KIAA1217: variants seen among roughly 807,000 people sequenced by gnomAD.
The protein encoded by KIAA1217 is sickle tail protein homolog.
A neutral mutation model predicts 163.9 loss-of-function variants in KIAA1217; 88 were observed. The ratio of observed to expected loss-of-function variants is 0.54; its 90% CI spans 0.45 to 0.64. The LOEUF is 0.64. Ranked by LOEUF, KIAA1217 falls within the 30% of genes least tolerant of loss-of-function variation. KIAA1217 has a pLI of 0.00. For missense variants in KIAA1217, 2,372 were observed against 2,475.0 expected (o/e 0.96, Z 0.88); for synonymous variants, 903 against 923.1 (o/e 0.98, Z 0.39).
intron 8 of KIAA1217, among the ~76,000 whole-genome samples, chr10:24,497,359 G>T (rs924805349): frequency 6.6e-6 from 1 of 152,156 alleles, no homozygotes; most frequent in Non-Finnish European, 1.5e-5. Context: ...TAAGGAAGAT[G>T]TCATTACCCA....
chr10:24,401,474 G>A (rs1156387691), intron 3 of KIAA1217, among the ~76,000 whole-genome samples: 1 of 151,992 alleles, frequency 6.6e-6, no homozygotes, highest in Non-Finnish European at 1.5e-5. Context: ...ATATGAACAG[G>A]CTGAAGAAGG....
chr10:24,287,341 G>A (rs1272364052), intron 2 of KIAA1217, among the ~76,000 whole-genome samples: 1 of 152,182 alleles, frequency 6.6e-6, no homozygotes, highest in African/African-American at 2.4e-5. Context: ...GTGAGCCACC[G>A]TGCTTGGCCA....
intron 2 of KIAA1217, among the ~76,000 whole-genome samples, chr10:24,119,821 T>C (rs1242897740): frequency 6.6e-6 from 1 of 152,216 alleles, no homozygotes; most frequent in Non-Finnish European, 1.5e-5. Flanking sequence ...TTCAATGTGC[T>C]GTCTGGCCAA....
intron 2 of KIAA1217, among the ~76,000 whole-genome samples, chr10:24,161,913 C>G (rs1319257361): frequency 1.3e-5 from 2 of 152,170 alleles, no homozygotes; most frequent in Admixed American, 1.3e-4. Context: ...ATGATACGAG[C>G]TAGATAGAAT....
At chr10:24,362,253 G>A (rs2050129524) in intron 2 of KIAA1217, among the ~76,000 whole-genome samples, 1 of 152,116 alleles carries the variant, frequency 6.6e-6, no homozygotes, top group South Asian at 2.1e-4. Flanking sequence ...GGAAAGTGGG[G>A]CTTAAGGAAA....
At chr10:24,404,698 G>A (rs1424535315) in intron 3 of KIAA1217, among the ~76,000 whole-genome samples, 1 of 151,306 alleles carries the variant, frequency 6.6e-6, no homozygotes, top group Non-Finnish European at 1.5e-5. Context: ...AATATTACTA[G>A]CAGCTTTGTT....
chr10:23,728,321 C>A (rs1328236568), intron 1 of KIAA1217, among the ~76,000 whole-genome samples: 1 of 152,166 alleles, frequency 6.6e-6, no homozygotes. Context: ...TCCTCTCCAG[C>A]ATCTGTTGTT....
chr10:24,050,241 C>T (rs1217383208), intron 2 of KIAA1217, among the ~76,000 whole-genome samples: 1 of 152,018 alleles, frequency 6.6e-6, no homozygotes, highest in Non-Finnish European at 1.5e-5. Context: ...AAAATTTTCT[C>T]CTGTTCTGTA....
chr10:24,355,713 T>C (rs983646926), intron 2 of KIAA1217, among the ~76,000 whole-genome samples: 3 of 136,526 alleles, frequency 2.2e-5, no homozygotes, highest in Non-Finnish European at 4.6e-5. Context: ...GAGATGAGCA[T>C]AGCAAGTCCT....
intron 2 of KIAA1217, among the ~76,000 whole-genome samples, chr10:24,015,794 G>T (rs1047112220): frequency 2.0e-5 from 3 of 150,378 alleles, no homozygotes; most frequent in East Asian, 2.0e-4. Flanking sequence ...AAGAAAGAAA[G>T]AAAGAAATAG....
chr10:24,237,401 T>A (rs4572034), intron 2 of KIAA1217, among the ~76,000 whole-genome samples: 36,739 of 152,216 alleles, frequency 0.24, 5,396 homozygotes, highest in East Asian at 0.37. Context: ...AAACGGTTAA[T>A]GGAGTTGCTT....
At chr10:23,783,871 T>C (rs1835368114) in intron 1 of KIAA1217, among the ~76,000 whole-genome samples, 1 of 152,146 alleles carries the variant, frequency 6.6e-6, no homozygotes, top group East Asian at 1.9e-4. Context: ...AATAGTTCCT[T>C]AGGATTCTTC....
chr10:24,003,004 A>G (rs575402818), intron 1 of KIAA1217, among the ~76,000 whole-genome samples: 2 of 152,354 alleles, frequency 1.3e-5, no homozygotes, highest in South Asian at 2.1e-4. Context: ...ATGGCTGATT[A>G]GTATTCCATG....
At chr10:24,305,060 C>T (rs994635826) in intron 2 of KIAA1217, among the ~76,000 whole-genome samples, 1 of 152,110 alleles carries the variant, frequency 6.6e-6, no homozygotes, top group Admixed American at 6.6e-5. Flanking sequence ...ATGATGCAGG[C>T]AAAAGATGAT....
At chr10:23,837,638 G>A (rs1216161314) in intron 1 of KIAA1217, among the ~76,000 whole-genome samples, 2 of 152,004 alleles carry the variant, frequency 1.3e-5, no homozygotes, top group Non-Finnish European at 2.9e-5. Context: ...GGCTGAATCA[G>A]TCCTCCCATC....
At chr10:23,800,695 C>T (rs75719243) in intron 1 of KIAA1217, among the ~76,000 whole-genome samples, 8,717 of 151,608 alleles carry the variant, frequency 0.057, 822 homozygotes, top group African/African-American at 0.2. Context: ...AATAGTGTGG[C>T]GTAATTAAAA....
intron 1 of KIAA1217, among the ~76,000 whole-genome samples, chr10:23,714,910 A>G (rs1463057900): frequency 1.3e-5 from 2 of 152,180 alleles, no homozygotes; most frequent in Non-Finnish European, 2.9e-5. Flanking sequence ...GAAAAAGGGT[A>G]TATGTGCTTT....
At chr10:23,973,732 T>C (rs769774320) in intron 1 of KIAA1217, among the ~76,000 whole-genome samples, 1 of 152,188 alleles carries the variant, frequency 6.6e-6, no homozygotes, top group Non-Finnish European at 1.5e-5. Context: ...GAAACTGTGG[T>C]TCATGTTGAA....
intron 1 of KIAA1217, among the ~76,000 whole-genome samples, chr10:23,817,090 A>T (rs898441702): frequency 6.6e-6 from 1 of 152,214 alleles, no homozygotes; most frequent in Non-Finnish European, 1.5e-5. Flanking sequence ...CAAAAAAGGC[A>T]AAGTGCTAGT....
Sources: allele counts gnomAD v4.1 joint callset (sites outside exome capture counted in the v4.1 genomes callset), GRCh38; gene constraint gnomAD v4.1.1; transcripts MANE v1.5; gene names NCBI Gene and HGNC (gene_info 2026-07-23, HGNC 2026-07-21).